CDH16: variants seen among roughly 807,000 people sequenced by gnomAD.
The protein encoded by CDH16 is cadherin 16, also known as cadherin-16.
Under a neutral mutation model 87.6 loss-of-function variants are expected in CDH16, and 79 were observed. The observed-to-expected ratio is 0.90, with a 90% confidence interval of 0.75 to 1.09. The LOEUF is 1.09. CDH16 is among the 50% of genes least tolerant of loss of function. The pLI, the probability that CDH16 is intolerant of heterozygous loss-of-function variation, is 0.00. For synonymous variants in CDH16, 457 were observed against 439.5 expected (o/e 1.04, Z -0.50); for missense variants, 1,124 against 1,071.7 (o/e 1.05, Z -0.68).
At chr16:66,918,118 G>A in intron 1 of CDH16, 40 bp from the exon 2 acceptor site, 3 of 1,440,758 alleles carry the variant, frequency 2.1e-6, no homozygotes, top group Non-Finnish European at 2.8e-6. Flanking sequence ...CAGGTGGGTA[G>A]GGAGGGGCTT....
In CDH16 at chr16:66,908,554, G is replaced by C; in HGVS notation, c.2393-65C>G. On this transcript the variant is annotated intron_variant, in intron 17 of 17. Transcript: ENST00000299752. Reference sequence around the variant, plus strand: ...GCTGTGGGACTTGTTCATCACGAGGGACTTCCTGTGATTGGCATTGGATTA... The same window carrying C: ...GCTGTGGGACTTGTTCATCACGAGGCACTTCCTGTGATTGGCATTGGATTA... 3.3e-6 allele frequency: 4 copies of C among 1,217,486 alleles called. No homozygotes were observed. The Admixed American group carries it at 6.8e-5, about 21-fold the overall frequency. 75.4% of individuals were successfully genotyped at this position (1,217,486 alleles called of 1,614,324 possible).
rs1567529401 is a variant in CDH16 at position 66,909,272 on chromosome 16, G to T, written c.2387C>A (p.Ala796Glu). Residue 796 changes from alanine (A) to glutamate (E), a missense_variant, in exon 17 of 18, where the codon GCA becomes GAA. By Grantham distance (107) the Ala-to-Glu change is moderately radical (BLOSUM62 -1). Transcript: ENST00000299752. The surrounding 1 kb of genome is among the most constrained non-coding windows in gnomAD (Gnocchi z 4.1). ...TAATGTCCAACCTCCATTACCTATT[G>T]CTACCAGGGTGCCTACAAGGATGCC... Reference protein sequence around the residue: ...AVGILVGTLVAIGIFLILIFT... With the variant: ...AVGILVGTLVEIGIFLILIFT... 1.9e-6 allele frequency: 3 copies of T among 1,604,502 alleles called. No homozygotes were observed. The highest frequency in any genetic ancestry group is 2.6e-6 in the Non-Finnish European group (3 of 1,171,398).
At chr16:66,910,635 TCCA>T in intron 14 of CDH16, 133 bp from the exon 15 acceptor site, 1 of 968,646 alleles carries the variant, frequency 1.0e-6, no homozygotes, top group Non-Finnish European at 1.4e-6. Context: ...CATGCTTCTC[TCCA>T]CCTGTCATCA....
chr16:66,916,407 G>A lies in CDH16; in HGVS notation c.152C>T (p.Ala51Val), dbSNP rs1400157236. The A allele has an allele frequency of 4.4e-6, 7 of 1,608,630 alleles. No homozygotes were observed. The highest frequency in any genetic ancestry group is 1.7e-5 in the Admixed American group (1 of 59,646). Residue 51 changes from alanine (A) to valine (V), a missense_variant, in exon 4 of 18, where the codon GCT becomes GTT. By Grantham distance (64) the Ala-to-Val change is moderately conservative (BLOSUM62 0). Transcript: ENST00000299752. The surrounding 1 kb of genome is among the most constrained non-coding windows in gnomAD (Gnocchi z 4.1). ...LTKLPLPREG[A>V]EGQIVLSGDS... ...CCCTGACAGCACGATCTGGCCTTCA[G>A]CCCCCTCACGGGGCAGCGGCAACTG...
intron 2 of CDH16, 55 bp downstream of exon 2, chr16:66,917,966 G>T (rs536166615): frequency 2.1e-5 from 30 of 1,437,436 alleles, no homozygotes; most frequent in Non-Finnish European, 2.4e-5. Flanking sequence ...TTGGGGGCAA[G>T]GGTGTCAACC....
chr16:66,913,356 C>T (rs567904386), intron 8 of CDH16, 75 bp from the exon 9 acceptor site: 54 of 1,552,682 alleles, frequency 3.5e-5, no homozygotes, highest in African/African-American at 3.4e-4. Context: ...AGTTTCCTTC[C>T]GGTGGGCCAG....
rs535608343 is a variant in CDH16 at position 66,911,473 on chromosome 16, A to G, written c.1791-158T>C. Among the ~76,000 whole-genome samples the G allele has an allele frequency of 5.3e-5, 8 of 152,244 alleles. No individual in the cohort carries two copies. In the East Asian group the frequency reaches 1.5e-3, roughly 29 times the overall value. On this transcript the variant is annotated intron_variant, in intron 13 of 17. Coordinates refer to ENST00000299752, the MANE Select transcript of CDH16 (RefSeq NM_004062.4). Reference sequence around the variant, plus strand: ...GGGCCCAGTCTCTCTCTCCAGCTTCAGGATTTGTTGTGGTGGTGGTGGTGG... The same window carrying G: ...GGGCCCAGTCTCTCTCTCCAGCTTCGGGATTTGTTGTGGTGGTGGTGGTGG...
chr16:66,911,155 G>A, intron 14 of CDH16, 27 bp downstream of exon 14: 2 of 1,593,338 alleles, frequency 1.3e-6, no homozygotes, highest in East Asian at 2.3e-5. Context: ...CCCCCTCCCA[G>A]GGGCTCCCAT....
At chr16:66,915,093 C>T in intron 6 of CDH16, 127 bp downstream of exon 6, 2 of 879,188 alleles carry the variant, frequency 2.3e-6, no homozygotes, top group Non-Finnish European at 3.5e-6. Flanking sequence ...TTGCTGTCTC[C>T]ACCTAGAGTG....
At position 66,917,970 on chromosome 16, in the gene CDH16, G is replaced by A. The variant is rs556068691; in HGVS notation, c.45+51C>T. 5.4e-6 allele frequency: 8 copies of A among 1,474,936 alleles called. No individual in the cohort carries two copies. In the African/African-American group the frequency reaches 9.7e-5, roughly 18 times the overall value. The allele number at this position is 1,474,936 out of a possible 1,614,324, so 91.4% of individuals were successfully genotyped here. A position where few individuals can be genotyped will look rare whatever the true frequency, so the allele number is the denominator to read the frequency against. ...TCCAGGTGGAGTTGGGGGCAAGGGT[G>A]TCAACCCCCAAAGCCAAGACCTGAA... On this transcript the variant is annotated intron_variant, in intron 2 of 17. Coordinates refer to ENST00000299752, the MANE Select transcript of CDH16 (RefSeq NM_004062.4).
Position 66,909,326 on chromosome 16 carries a change from T to A in CDH16, c.2333A>T (p.Lys778Met). 6.2e-7 allele frequency: 1 copy of A among 1,613,848 alleles called. No homozygotes were observed. Among genetic ancestry groups the A allele is most frequent in the Non-Finnish European group, 8.5e-7 (1 of 1,179,950 alleles). Residue 778 changes from lysine to methionine, a missense_variant, in exon 17 of 18, where the codon AAG becomes ATG. Physicochemically the swap from Lys to Met is moderately conservative, Grantham distance 95 (BLOSUM62 -1). Coordinates refer to ENST00000299752, the MANE Select transcript of CDH16 (RefSeq NM_004062.4). The surrounding 1 kb of genome is among the most constrained non-coding windows in gnomAD (Gnocchi z 4.1). ...TGCCGACAGCTTCGTGGGCATGCCC[T>A]TCATGCGGCCCACCTTGCGCATGCA... ...GQCMRKVGRMKGMPTKLSAVG... is the reference protein window; with the variant it reads ...GQCMRKVGRMMGMPTKLSAVG...
In CDH16 at chr16:66,912,847, C is replaced by T. The variant is rs566694068; in HGVS notation, c.1099G>A (p.Gly367Ser). The change falls in exon 10 of 18, where the codon GGC (glycine) becomes AGC (serine). Residue 367 changes from glycine to serine, a missense_variant. Transcript: ENST00000299752. ...RLSAEDADAPGSPNSHVVYQL... is the reference protein window; with the variant it reads ...RLSAEDADAPSSPNSHVVYQL... ...TACACAACGTGGGAATTGGGGGAGC[C>T]GGGGGCATCTGCATCCTCTGCTGAC... 112 of 1,613,334 alleles carry T rather than the reference C, an allele frequency of 6.9e-5. No individual in the cohort carries two copies. The Admixed American group carries it at 9.7e-4, about 14-fold the overall frequency.
chr16:66,913,297 G>A lies in CDH16; in HGVS notation c.904-16C>T. The stretch of plus-strand genomic sequence containing the variant: ...GGAGCAGGTACTGCGGTGGGCAGTA[G>A]GGGGCTTCAGGTCAGGACCAAGGGC... On this transcript the variant is annotated splice_polypyrimidine_tract_variant and intron_variant, in intron 8 of 17. Transcript: ENST00000299752. 2.6e-6 allele frequency: 4 copies of A among 1,545,094 alleles called. No individual in the cohort carries two copies. The highest frequency in any genetic ancestry group is 3.5e-6 in the Non-Finnish European group (4 of 1,145,370).
In CDH16 at chr16:66,911,273, C is replaced by T; in HGVS notation, c.1833G>A (p.Glu611=). The T allele has an allele frequency of 1.2e-6, 2 of 1,613,644 alleles. No individual in the cohort carries two copies. The highest frequency in any genetic ancestry group is 1.7e-6 in the Non-Finnish European group (2 of 1,179,824). ...VNDSEGWLCI[E]KFSGEVHTAQ... ...CGGTGTGCACCTCCCCGGAGAATTT[C>T]TCAATGCAGAGCCAGCCCTCTGAGT... Residue 611 remains glutamate, a synonymous_variant, in exon 14 of 18, where the codon GAG becomes GAA. Coordinates refer to ENST00000299752, the MANE Select transcript of CDH16 (RefSeq NM_004062.4).
rs1962256569 is a variant in CDH16 at position 66,908,458 on chromosome 16, C to T, written c.2424G>A (p.Trp808Ter). 6.2e-7 allele frequency: 1 copy of T among 1,613,914 alleles called. No individual in the cohort carries two copies. Among genetic ancestry groups the T allele is most frequent in the African/African-American group, 1.3e-5 (1 of 74,926 alleles). The part of the protein sequence containing the change: ...GIFLILIFTH[W>*]TMSRKKDPDQ... ...CCGGGTCCTTCTTCCTTGACATGGT[C>T]CAGTGGGTGAAAATGAGGATGAGGA... is the stretch of plus-strand genomic sequence containing the variant. Residue 808 changes from tryptophan (W) to a stop codon, truncating the protein, a stop_gained, in exon 18 of 18, where the codon TGG becomes TGA. Coordinates refer to ENST00000299752, the MANE Select transcript of CDH16 (RefSeq NM_004062.4). LOFTEE classifies it high-confidence loss of function.
chr16:66,915,222 T>C lies in CDH16; in HGVS notation c.581A>G (p.Lys194Arg), dbSNP rs1428968900. 2 of 1,610,300 alleles carry C rather than the reference T, an allele frequency of 1.2e-6. No individual in the cohort carries two copies. Among genetic ancestry groups the C allele is most frequent in the South Asian group, 1.1e-5 (1 of 90,802 alleles). Residue 194 changes from lysine (K) to arginine (R), a missense_variant and splice_region_variant, in exon 6 of 18, where the codon AAG becomes AGG. Lys to Arg is a conservative substitution (Grantham distance 26). Transcript: ENST00000299752. ...CAGCACACCCCGCTCGGGCTTACCC[T>C]TGGGGCTGAGGGCCAGAGCCCCCAG... is the stretch of plus-strand genomic sequence containing the variant. ...PRLGALALSPKGSTSLDHALE... is the reference protein window; with the variant it reads ...PRLGALALSPRGSTSLDHALE...
rs1043619027 is a variant in CDH16 at position 66,918,255 on chromosome 16, G to A, written c.-13-177C>T. 5.3e-5 allele frequency among the ~76,000 whole-genome samples: 8 copies of A among 152,248 alleles called. No homozygotes were observed. The East Asian group carries it at 7.7e-4, about 15-fold the overall frequency. On this transcript the variant is annotated intron_variant, in intron 1 of 17. Transcript: ENST00000299752. ...CTGCTCCTCGGCCAGGCCCACCAAGGCCCCCAGGCCCAGCCACCCTGCTTC... is the reference window on the plus strand; with the variant it reads ...CTGCTCCTCGGCCAGGCCCACCAAGACCCCCAGGCCCAGCCACCCTGCTTC...
chr16:66,915,978 G>T, intron 5 of CDH16, 87 bp downstream of exon 5: 1 of 1,472,754 alleles, frequency 6.8e-7, no homozygotes, highest in Non-Finnish European at 9.4e-7. Context: ...CCTGTCCTAT[G>T]CCAACTGTCT....
At chr16:66,917,833 T>G (rs1411869725) in intron 2 of CDH16, 108 bp from the exon 3 acceptor site, 1 of 1,074,590 alleles carries the variant, frequency 9.3e-7, no homozygotes, top group Non-Finnish European at 1.4e-6. Flanking sequence ...GGCTGTACCT[T>G]AGTCCATCCA....
Sources: gnomAD v4.1 joint callset for allele counts (sites outside exome capture counted in the v4.1 genomes callset) on GRCh38, gnomAD v4.1.1 for gene constraint, Gnocchi (gnomAD v3.1) non-coding constraint, MANE v1.5 for transcripts, NCBI Gene and HGNC (gene_info 2026-07-23, HGNC 2026-07-21) for gene names.